Variants in PCNX2 observed in about 807,000 individuals in gnomAD.
PCNX2 encodes the protein pecanex-like protein 2.
PCNX2 carries 168 observed loss-of-function variants against 223.8 expected under a neutral mutation model. That is an observed-to-expected ratio of 0.75 (90% CI 0.66 to 0.85). The LOEUF is 0.85. Among genes scored for constraint, PCNX2 ranks in the 40% least tolerant of loss-of-function variants. PCNX2 has a pLI of 0.00. For missense variants in PCNX2, 2,507 were observed against 2,675.5 expected, an observed-to-expected ratio of 0.94 and a Z score of 1.39; for synonymous variants, 1,006 against 1,052.6, an observed-to-expected ratio of 0.96 and a Z score of 0.86.
intron 23 of PCNX2, among the ~76,000 whole-genome samples, chr1:233,080,885 T>C (rs1019504390): frequency 6.6e-6 from 1 of 152,212 alleles, no homozygotes; most frequent in African/African-American, 2.4e-5. Flanking sequence ...TGGACAACTC[T>C]GAGTTCTGCC....
chr1:233,318,630 C>T, the PCNX2 span, among the ~76,000 whole-genome samples: 6 of 130,198 alleles, frequency 4.6e-5, no homozygotes, highest in African/African-American at 1.5e-4. Flanking sequence ...GTAATGCAAT[C>T]TCAGCTCACT....
intron 12 of PCNX2, among the ~76,000 whole-genome samples, chr1:233,217,156 T>C (rs1008204944): frequency 1.3e-5 from 2 of 152,070 alleles, no homozygotes; most frequent in Admixed American, 6.6e-5. Context: ...GTGGTGACCA[T>C]AGTTAATAAT....
intron 21 of PCNX2, among the ~76,000 whole-genome samples, chr1:233,121,228 C>T (rs752065673): frequency 1.5e-4 from 23 of 152,122 alleles, no homozygotes; most frequent in Non-Finnish European, 2.5e-4. Flanking sequence ...ACCGGAAGAT[C>T]GAATATTGTT....
chr1:233,252,818 A>C (rs775054664), intron 5 of PCNX2, 30 bp from the exon 6 acceptor site: 3 of 1,528,356 alleles, frequency 2.0e-6, no homozygotes, highest in Non-Finnish European at 2.6e-6. Context: ...TTGTTAATTT[A>C]ATATAAAATA....
At chr1:233,307,388 T>C in the PCNX2 span, among the ~76,000 whole-genome samples, 1 of 152,240 alleles carries the variant, frequency 6.6e-6, no homozygotes, top group African/African-American at 2.4e-5. Flanking sequence ...ACCTCCCTCC[T>C]CTCTCTCTTG....
chr1:233,014,799 TC>T, intron 27 of PCNX2, 22 bp from the exon 28 acceptor site: 1 of 1,582,094 alleles, frequency 6.3e-7, no homozygotes, highest in Non-Finnish European at 8.7e-7. Flanking sequence ...AGAAGTTAAC[TC>T]AGCTTTCACA....
In PCNX2 at chr1:233,295,604, G is replaced by T; in HGVS notation, c.-126C>A. 1 of 1,017,612 alleles carries T rather than the reference G, an allele frequency of 9.8e-7. No individual in the cohort carries two copies. Among genetic ancestry groups the T allele is most frequent in the South Asian group, 3.8e-5 (1 of 26,404 alleles). The allele number at this position is 1,017,612 out of a possible 1,614,324, so 63.0% of individuals were successfully genotyped here. A position where few individuals can be genotyped will look rare whatever the true frequency, so the allele number is the denominator to read the frequency against. On this transcript the variant is annotated 5_prime_UTR_variant, in exon 1 of 34. Transcript: ENST00000258229. The surrounding 1 kb of genome is among the most constrained non-coding windows in gnomAD (Gnocchi z 4.1). ...CGCCCCCGCCGTCGCCGCCGCCGTC[G>T]CCCCCGCCGCCTCCTTCCACCCCAC...
intron 17 of PCNX2, among the ~76,000 whole-genome samples, chr1:233,174,669 A>G (rs1679365544): frequency 6.6e-6 from 1 of 152,162 alleles, no homozygotes; most frequent in Non-Finnish European, 1.5e-5. Flanking sequence ...CTAGGAACTG[A>G]AGAAAATTGA....
chr1:233,004,050 G>A (rs1036115610), intron 28 of PCNX2, among the ~76,000 whole-genome samples: 2 of 152,060 alleles, frequency 1.3e-5, no homozygotes, highest in African/African-American at 2.4e-5. Context: ...AATAACTAAT[G>A]TAGATGACGG....
chr1:233,234,985 GGTCA>G (rs1331781184), intron 9 of PCNX2, among the ~76,000 whole-genome samples: 3 of 151,954 alleles, frequency 2.0e-5, no homozygotes, highest in Non-Finnish European at 2.9e-5. Context: ...GGTCTCCGGT[GGTCA>G]GTGAGTGGCA....
intron 19 of PCNX2, among the ~76,000 whole-genome samples, chr1:233,152,018 A>G (rs980507289): frequency 6.6e-6 from 1 of 152,160 alleles, no homozygotes; most frequent in African/African-American, 2.4e-5. Context: ...ACTTGGCTTC[A>G]CTGCCAAACC....
rs145653168 is a variant in PCNX2 at position 233,225,854 on chromosome 1, G to A, written c.2504+1372C>T. 7.8e-3 allele frequency among the ~76,000 whole-genome samples: 1,183 copies of A among 152,278 alleles called. 7 individuals are homozygous for A. Among genetic ancestry groups the A allele is most frequent in the Non-Finnish European group, 0.012 (801 of 68,012 alleles). On this transcript the variant is annotated intron_variant, in intron 10 of 33. Coordinates refer to ENST00000258229, the MANE Select transcript of PCNX2 (RefSeq NM_014801.4). ...TTGGATTTTTAGTTAAGTATTAAATGTTCCTTCTAAGTGTGTGCCCCTTGG... is the reference window on the plus strand; with the variant it reads ...TTGGATTTTTAGTTAAGTATTAAATATTCCTTCTAAGTGTGTGCCCCTTGG...
At chr1:233,174,100 T>A (rs1679324262) in intron 17 of PCNX2, among the ~76,000 whole-genome samples, 1 of 143,436 alleles carries the variant, frequency 7.0e-6, no homozygotes, top group Non-Finnish European at 1.5e-5. Flanking sequence ...ATAAATATAT[T>A]TAATTTGTAT....
At chr1:233,259,367 T>C in intron 4 of PCNX2, 23 bp from the exon 5 acceptor site, 5 of 1,575,812 alleles carry the variant, frequency 3.2e-6, no homozygotes, top group South Asian at 2.3e-5. Context: ...ATGGCAACTT[T>C]ATTAGCATCA....
In PCNX2 at chr1:233,172,373, T is replaced by C. The variant is rs916255074; in HGVS notation, c.3273+5429A>G. On this transcript the variant is annotated intron_variant, in intron 17 of 33. Transcript: ENST00000258229. ...GTACCACGTTAAATGTCTTCATAAATTGAGGGATTTGGTGCCATCTAGTTG... is the reference window on the plus strand; with the variant it reads ...GTACCACGTTAAATGTCTTCATAAACTGAGGGATTTGGTGCCATCTAGTTG... 9 of 985,342 alleles carry C rather than the reference T, an allele frequency of 9.1e-6. No individual in the cohort carries two copies. The African/African-American group carries it at 1.6e-4, about 17-fold the overall frequency. The allele number at this position is 985,342 out of a possible 1,614,324, so 61.0% of individuals were successfully genotyped here.
chr1:233,259,294 G>A lies in PCNX2; in HGVS notation c.568C>T (p.Pro190Ser). ...GGTAAGCTTTCCACTTTGATACCAG[G>A]TGAGGTAGATGACACTGGTGCTATG... The part of the protein sequence containing the change: ...HPIAPVSSTS[P>S]GIKVESLPAS... Residue 190 changes from proline to serine, a missense_variant, in exon 5 of 34, where the codon CCT becomes TCT. Around this residue, in one of 3 missense-constraint regions of PCNX2, gnomAD observed 1,031 missense variants for 1,021.7 expected, o/e 1.01. Transcript: ENST00000258229. 1 of 1,613,876 alleles carries A rather than the reference G, an allele frequency of 6.2e-7. No individual in the cohort carries two copies. Among genetic ancestry groups the A allele is most frequent in the Non-Finnish European group, 8.5e-7 (1 of 1,179,854 alleles).
At position 233,139,139 on chromosome 1, in the gene PCNX2, G is replaced by A. The variant is rs1044051829; in HGVS notation, c.3659+575C>T. ...AGATTATCAAGGAGATTTCCATGTT[G>A]TAAATTCAGAATTAATTTTAATATA... On this transcript the variant is annotated intron_variant, in intron 20 of 33. Coordinates refer to ENST00000258229, the MANE Select transcript of PCNX2 (RefSeq NM_014801.4). This position sits in a 1 kb window ranked among gnomAD's most constrained non-coding sequence, Gnocchi z 4.4. Among the ~76,000 whole-genome samples, 1 of 152,180 alleles carries A rather than the reference G, an allele frequency of 6.6e-6. No homozygotes were observed. Among genetic ancestry groups the A allele is most frequent in the Admixed American group, 6.5e-5 (1 of 15,284 alleles).
intron 8 of PCNX2, among the ~76,000 whole-genome samples, chr1:233,250,388 A>G (rs1404716316): frequency 6.6e-6 from 1 of 152,240 alleles, no homozygotes; most frequent in African/African-American, 2.4e-5. Flanking sequence ...ATAAATGAGA[A>G]CTAACCACAT....
chr1:233,015,075 G>A (rs915659291), intron 27 of PCNX2, among the ~76,000 whole-genome samples: 1 of 152,184 alleles, frequency 6.6e-6, no homozygotes, highest in Non-Finnish European at 1.5e-5. Flanking sequence ...ATAAAGATGG[G>A]CAGTGATTAC....
Sources: allele counts gnomAD v4.1 joint callset (sites outside exome capture counted in the v4.1 genomes callset), GRCh38; gene constraint gnomAD v4.1.1; regional missense constraint gnomAD v4.1.1; non-coding constraint Gnocchi (gnomAD v3.1); transcripts MANE v1.5; gene names NCBI Gene and HGNC (gene_info 2026-07-23, HGNC 2026-07-21).